Variants in KLHL3 observed in about 807,000 individuals in gnomAD.
KLHL3 encodes kelch-like protein 3.
KLHL3 carries 19 observed loss-of-function variants against 70.5 expected under a neutral mutation model. The ratio of observed to expected loss-of-function variants is 0.27; its 90% confidence interval spans 0.19 to 0.40. KLHL3 has a LOEUF of 0.40. Ranked by LOEUF, KLHL3 falls within the 10% of genes least tolerant of loss-of-function variation. The probability of loss-of-function intolerance (pLI) is 1.00; values close to 1 mark genes in which losing one functional copy is unlikely to be tolerated. For synonymous variants in KLHL3, 258 were observed against 290.3 expected (o/e 0.89, Z 1.13); for missense variants, 512 against 771.1 (o/e 0.66, Z 3.98).
intron 2 of KLHL3, among the ~76,000 whole-genome samples, chr5:137,712,885 A>G (rs1189148531): frequency 6.6e-6 from 1 of 152,228 alleles, no homozygotes; most frequent in African/African-American, 2.4e-5. Flanking sequence ...TAGTGCTAAT[A>G]GTAAATATTT....
chr5:137,644,859 A>T (rs1751004830), intron 8 of KLHL3, among the ~76,000 whole-genome samples: 1 of 152,230 alleles, frequency 6.6e-6, no homozygotes, highest in African/African-American at 2.4e-5. Flanking sequence ...AGGGCATGAC[A>T]AAAAAGAAAA....
intron 5 of KLHL3, among the ~76,000 whole-genome samples, chr5:137,679,214 C>T (rs1450585810): frequency 1.3e-5 from 2 of 152,068 alleles, no homozygotes; most frequent in Non-Finnish European, 2.9e-5. Context: ...TCCCTCCATT[C>T]CCTTTCTGAT....
chr5:137,625,628 T>C lies in KLHL3; in HGVS notation c.1735+125A>G, dbSNP rs1750439552. On this transcript the variant is annotated intron_variant, in intron 14 of 14. Transcript: ENST00000309755. ...CCATGTAACAATTACCTGTCATCCC[T>C]GGAGGAGGCACTCAGGCCCAAGTTA... 6 of 998,846 alleles carry C rather than the reference T, an allele frequency of 6.0e-6. No homozygotes were observed. In the Admixed American group the frequency reaches 1.0e-4, roughly 17 times the overall value. The allele number at this position is 998,846 out of a possible 1,614,324, so 61.9% of individuals were successfully genotyped here.
chr5:137,663,613 T>A (rs2905581), intron 6 of KLHL3, among the ~76,000 whole-genome samples: 1 of 151,904 alleles, frequency 6.6e-6, no homozygotes, highest in Non-Finnish European at 1.5e-5. Context: ...CAAGTGGATA[T>A]GATGTAGTAC....
At chr5:137,716,218 CTT>C (rs879881518) in intron 2 of KLHL3, among the ~76,000 whole-genome samples, 8 of 141,660 alleles carry the variant, frequency 5.6e-5, no homozygotes, top group Admixed American at 7.1e-5. Context: ...ACGTAAATTT[CTT>C]TTTTTTTTTT....
intron 8 of KLHL3, among the ~76,000 whole-genome samples, chr5:137,646,319 C>T (rs1751044486): frequency 6.6e-6 from 1 of 152,152 alleles, no homozygotes; most frequent in Non-Finnish European, 1.5e-5. Context: ...AAGAGGAACT[C>T]TTATACCCTG....
intron 4 of KLHL3, among the ~76,000 whole-genome samples, chr5:137,693,649 A>G (rs1298591941): frequency 1.3e-5 from 2 of 152,166 alleles, no homozygotes; most frequent in East Asian, 3.9e-4. Context: ...GAATAGCTTG[A>G]TTTAAGGCTG....
intron 3 of KLHL3, among the ~76,000 whole-genome samples, chr5:137,707,827 CT>C (rs914550778): frequency 1.3e-5 from 2 of 152,200 alleles, no homozygotes; most frequent in Non-Finnish European, 2.9e-5. Flanking sequence ...TGCTATGACA[CT>C]TCCGCTACTT....
intron 4 of KLHL3, among the ~76,000 whole-genome samples, chr5:137,697,428 C>T (rs191082447): frequency 1.1e-3 from 161 of 152,298 alleles, no homozygotes; most frequent in African/African-American, 3.7e-3. Flanking sequence ...CTTCCAAAAG[C>T]GCTGGGATTA....
chr5:137,651,726 G>A (rs1043349737), intron 8 of KLHL3, among the ~76,000 whole-genome samples: 6 of 152,098 alleles, frequency 3.9e-5, no homozygotes, highest in Non-Finnish European at 7.4e-5. Context: ...GAAATTTAAT[G>A]GAAATGCAAA....
rs942077923 is a variant in KLHL3, at chr5:137,692,160, C to T, written c.526+125G>A. The T allele has an allele frequency of 2.0e-5, 16 of 797,194 alleles. No homozygotes were observed. In the Admixed American group the frequency reaches 4.2e-4, roughly 21 times the overall value. 49.4% of individuals were successfully genotyped at this position (797,194 alleles called of 1,614,324 possible). A position where few individuals can be genotyped will look rare whatever the true frequency, so the allele number is the denominator to read the frequency against. Reference sequence around the variant, plus strand: ...TCATTAATTATCTTTCCACCTGTATCCCTAACTAAATCATAGCTGCTTCAC... The same window carrying T: ...TCATTAATTATCTTTCCACCTGTATTCCTAACTAAATCATAGCTGCTTCAC... On this transcript the variant is annotated intron_variant, in intron 5 of 14. Coordinates refer to ENST00000309755, the MANE Select transcript of KLHL3 (RefSeq NM_017415.3).
At chr5:137,631,310 G>A (rs1422126717) in intron 12 of KLHL3, among the ~76,000 whole-genome samples, 1 of 152,196 alleles carries the variant, frequency 6.6e-6, no homozygotes, top group Non-Finnish European at 1.5e-5. Context: ...AGAAGGGGCT[G>A]TTGCTCTGCT....
Position 137,679,589 on chromosome 5 carries a change from G to A in KLHL3, c.527-1935C>T, listed in dbSNP as rs532793434. Reference sequence around the variant, plus strand: ...GTAGATAGGCTTAGATTTTGAAAGGGAAGATAAAGGAAGTGCAGTAATATA... The same window carrying A: ...GTAGATAGGCTTAGATTTTGAAAGGAAAGATAAAGGAAGTGCAGTAATATA... On this transcript the variant is annotated intron_variant, in intron 5 of 14. Transcript: ENST00000309755. Among the ~76,000 whole-genome samples the A allele has an allele frequency of 1.8e-4, 27 of 152,300 alleles. No individual in the cohort carries two copies. In the South Asian group the frequency reaches 5.2e-3, roughly 29 times the overall value.
At chr5:137,692,518 A>G in intron 4 of KLHL3, 71 bp from the exon 5 acceptor site, 1 of 1,419,026 alleles carries the variant, frequency 7.0e-7, no homozygotes, top group South Asian at 1.2e-5. Flanking sequence ...TTCCTATCAT[A>G]TCACTCCCAT....
In KLHL3 at chr5:137,618,923, G is replaced by T. The variant is rs1756317574; in HGVS notation, c.*3175C>A. On this transcript the variant is annotated 3_prime_UTR_variant, in exon 15 of 15. Transcript: ENST00000309755. Reference sequence around the variant, plus strand: ...AAAAAAAAAAAGGCTCATCTACCTGGAGCTACTGAAAAATATGTTTCTGAA... The same window carrying T: ...AAAAAAAAAAAGGCTCATCTACCTGTAGCTACTGAAAAATATGTTTCTGAA... The T allele has an allele frequency of 6.7e-6, 1 of 148,468 alleles. No homozygotes were observed. The highest frequency in any genetic ancestry group is 2.1e-4 in the South Asian group (1 of 4,722). The allele number at this position is 148,468 out of a possible 1,614,324, so 9.2% of individuals were successfully genotyped here.
chr5:137,628,072 G>C (rs993746193), intron 13 of KLHL3: 1 of 559,130 alleles, frequency 1.8e-6, no homozygotes, highest in Admixed American at 3.1e-5. Flanking sequence ...TCACTGCGGG[G>C]AAAGGGGATC....
At chr5:137,665,275 C>G (rs1209759794) in intron 6 of KLHL3, among the ~76,000 whole-genome samples, 1 of 152,100 alleles carries the variant, frequency 6.6e-6, no homozygotes, top group Non-Finnish European at 1.5e-5. Context: ...AAGAAATAGC[C>G]ATAAATGACT....
chr5:137,658,152 C>T lies in KLHL3; in HGVS notation c.882G>A (p.Arg294=). 1 of 1,613,564 alleles carries T rather than the reference C, an allele frequency of 6.2e-7. No individual in the cohort carries two copies. The highest frequency in any genetic ancestry group is 2.2e-5 in the East Asian group (1 of 44,862). Residue 294 remains arginine, a synonymous_variant, in exon 8 of 15, where the codon AGG becomes AGA. Transcript: ENST00000309755. The part of the protein sequence containing the change: ...LLIKNPRTKP[R]TPVSLPKVMI... ...TTACCTTGGGAAGGCTGACTGGAGT[C>T]CTGGGCTTGGTCCTTGGGTTCTTAA...
At chr5:137,633,989 A>G (rs1464971036) in intron 12 of KLHL3, 48 bp downstream of exon 12, 1 of 1,613,168 alleles carries the variant, frequency 6.2e-7, no homozygotes. Context: ...TTAAGGACCC[A>G]CTTGTGAGCA....
Sources: allele counts gnomAD v4.1 joint callset (sites outside exome capture counted in the v4.1 genomes callset), GRCh38; gene constraint gnomAD v4.1.1; transcripts MANE v1.5; gene names NCBI Gene and HGNC (gene_info 2026-07-23, HGNC 2026-07-21).